Variants in PLEKHD1 observed in about 807,000 individuals in gnomAD.
PLEKHD1 encodes the protein pleckstrin homology and coiled-coil domain containing D1.
A neutral mutation model predicts 69.2 loss-of-function variants in PLEKHD1; 51 were observed. The observed-to-expected ratio is 0.74, with a 90% CI of 0.59 to 0.93. The LOEUF is 0.93. Ranked by LOEUF, PLEKHD1 falls within the 40% of genes least tolerant of loss-of-function variation. PLEKHD1 has a pLI of 0.00. For synonymous variants in PLEKHD1, 236 were observed against 244.7 expected (o/e 0.96, Z 0.33); for missense variants, 584 against 641.0 (o/e 0.91, Z 0.96).
Position 69,526,706 on chromosome 14 carries a change from G to T in PLEKHD1, c.933G>T (p.Glu311Asp). The change falls in exon 10 of 13, where the codon GAG (glutamate) becomes GAT (aspartate). Residue 311 changes from glutamate (E) to aspartate (D), a missense_variant. Physicochemically the swap from Glu to Asp is conservative, Grantham distance 45. Coordinates refer to ENST00000322564, the MANE Select transcript of PLEKHD1 (RefSeq NM_001161498.2). ...EKLLAEKRMK[E>D]NEERSRALEE... ...TCTTCTGTCCCTACAGGATGAAGGA[G>T]AACGAGGAGCGCTCACGGGCCCTGG... 1.3e-6 allele frequency: 2 copies of T among 1,533,846 alleles called. No homozygotes were observed. Among genetic ancestry groups the T allele is most frequent in the Non-Finnish European group, 1.8e-6 (2 of 1,138,192 alleles).
chr14:69,473,901 C>T, the PLEKHD1 span, among the ~76,000 whole-genome samples: 2 of 152,220 alleles, frequency 1.3e-5, no homozygotes, highest in African/African-American at 4.8e-5. Flanking sequence ...CACTCCTGAA[C>T]TCTTGTTTCC....
intron 6 of PLEKHD1, among the ~76,000 whole-genome samples, chr14:69,521,750 G>A (rs576488950): frequency 1.1e-4 from 17 of 152,158 alleles, no homozygotes; most frequent in Non-Finnish European, 1.8e-4. Context: ...CTTTGGGGCC[G>A]GAGCAGAGGG....
At chr14:69,514,225 G>T (rs147710140) in intron 6 of PLEKHD1, among the ~76,000 whole-genome samples, 6 of 149,214 alleles carry the variant, frequency 4.0e-5, no homozygotes, top group Non-Finnish European at 7.4e-5. Context: ...TGCAGTTGTC[G>T]CACAGTTCTT....
In PLEKHD1 at chr14:69,501,806, G is replaced by A; in HGVS notation, c.483G>A (p.Lys161=). 6.4e-7 allele frequency: 1 copy of A among 1,551,332 alleles called. No homozygotes were observed. Among genetic ancestry groups the A allele is most frequent in the Non-Finnish European group, 8.7e-7 (1 of 1,146,738 alleles). ...SLEAQGLQLA[K]EKQEYLDKLM... is the part of the protein sequence containing the mutation. ...AGGCCCAGGGGCTGCAGTTGGCTAA[G>A]GAAAAGCAGGAGTATTTAGGTTGGC... is the stretch of plus-strand genomic sequence containing the variant. The change falls in exon 5 of 13, where the codon AAG becomes AAA. Residue 161 remains lysine (K), a synonymous_variant. Coordinates refer to ENST00000322564, the MANE Select transcript of PLEKHD1 (RefSeq NM_001161498.2).
At chr14:69,525,491 G>T (rs1883623196) in intron 8 of PLEKHD1, among the ~76,000 whole-genome samples, 1 of 152,060 alleles carries the variant, frequency 6.6e-6, no homozygotes, top group Admixed American at 6.6e-5. Context: ...GTGGGGTGGG[G>T]GGTGGTTTGG....
At chr14:69,473,925 G>A in the PLEKHD1 span, among the ~76,000 whole-genome samples, 1 of 152,160 alleles carries the variant, frequency 6.6e-6, no homozygotes, top group Admixed American at 6.5e-5. Flanking sequence ...CAGCCCTCCA[G>A]CCCCCATCTG....
chr14:69,528,054 A>G, intron 12 of PLEKHD1, 122 bp downstream of exon 12: 3 of 1,491,398 alleles, frequency 2.0e-6, no homozygotes, highest in Non-Finnish European at 1.8e-6. Context: ...ACCTGGCCCC[A>G]CCATCCTTGG....
chr14:69,489,797 G>T (rs1165726619), intron 1 of PLEKHD1, among the ~76,000 whole-genome samples: 1 of 151,988 alleles, frequency 6.6e-6, no homozygotes, highest in African/African-American at 2.4e-5. Flanking sequence ...GGGGAACAGG[G>T]GTACAGCTCC....
chr14:69,513,159 C>A (rs894096096), intron 6 of PLEKHD1, among the ~76,000 whole-genome samples: 1 of 151,306 alleles, frequency 6.6e-6, no homozygotes, highest in African/African-American at 2.4e-5. Flanking sequence ...GCGGAAGTTG[C>A]AGTGAGACAA....
At position 69,527,316 on chromosome 14, in the gene PLEKHD1, T is replaced by C. The variant is rs1159245381; in HGVS notation, c.1185T>C (p.Asp395=). 3 of 1,551,572 alleles carry C rather than the reference T, an allele frequency of 1.9e-6. No individual in the cohort carries two copies. The highest frequency in any genetic ancestry group is 2.4e-5 in the South Asian group (2 of 84,072). The change falls in exon 11 of 13, where the codon GAT becomes GAC. Residue 395 remains aspartate, a synonymous_variant. Transcript: ENST00000322564. Reference sequence around the variant, plus strand: ...AGAAGGAGGAGAGGATGCGGGCTGATGTGAGCCATCTGAAAAGTAAGCCCT... The same window carrying C: ...AGAAGGAGGAGAGGATGCGGGCTGACGTGAGCCATCTGAAAAGTAAGCCCT... ...NKEKEERMRA[D]VSHLKRFFEE...
intron 1 of PLEKHD1, among the ~76,000 whole-genome samples, chr14:69,489,600 A>G (rs368382730): frequency 3.3e-5 from 5 of 150,484 alleles, no homozygotes; most frequent in African/African-American, 1.2e-4. Flanking sequence ...AAAGAAAGTG[A>G]ATCTAAGCTT....
intron 1 of PLEKHD1, among the ~76,000 whole-genome samples, chr14:69,486,193 G>A (rs962298648): frequency 3.3e-5 from 5 of 152,214 alleles, no homozygotes; most frequent in African/African-American, 1.2e-4. Flanking sequence ...CCTGAGCAGA[G>A]GGGGCCTCCA....
In PLEKHD1 at chr14:69,520,665, G is replaced by C. The variant is rs540025204; in HGVS notation, c.556-1618G>C. 6.6e-5 allele frequency among the ~76,000 whole-genome samples: 10 copies of C among 152,020 alleles called. No homozygotes were observed. In the South Asian group the frequency reaches 2.1e-3, roughly 32 times the overall value. ...AATTGATTGAATCTGGGAGGCAGAG[G>C]TTGCAGTGAGCCGAGATTGTGTTAC... On this transcript the variant is annotated intron_variant, in intron 6 of 12. Coordinates refer to ENST00000322564, the MANE Select transcript of PLEKHD1 (RefSeq NM_001161498.2).
chr14:69,527,657 TG>T, intron 11 of PLEKHD1, 125 bp from the exon 12 acceptor site: 1 of 1,271,542 alleles, frequency 7.9e-7, no homozygotes, highest in Non-Finnish European at 1.1e-6. Context: ...CAGGTGGCTC[TG>T]GAATCTCGAG....
the PLEKHD1 span, among the ~76,000 whole-genome samples, chr14:69,469,315 A>G: frequency 6.6e-6 from 1 of 152,210 alleles, no homozygotes; most frequent in Non-Finnish European, 1.5e-5. Flanking sequence ...TGTCCTGACT[A>G]TGAATAAGGT....
At chr14:69,481,350 T>G (rs1405138396), upstream of PLEKHD1, among the ~76,000 whole-genome samples, 1 of 152,102 alleles carries the variant, frequency 6.6e-6, no homozygotes, top group Non-Finnish European at 1.5e-5. Context: ...ATATGTTCAT[T>G]AGGAGTCTAT....
In PLEKHD1 at chr14:69,527,935, G is replaced by C. The variant is rs1488555396; in HGVS notation, c.1351+3G>C. 6 of 1,551,294 alleles carry C rather than the reference G, an allele frequency of 3.9e-6. No individual in the cohort carries two copies. Among genetic ancestry groups the C allele is most frequent in the Non-Finnish European group, 4.4e-6 (5 of 1,147,006 alleles). On this transcript the variant is annotated splice_donor_region_variant and intron_variant, in intron 12 of 12. Coordinates refer to ENST00000322564, the MANE Select transcript of PLEKHD1 (RefSeq NM_001161498.2). ...GTCCAGCACCTCCTGGAATGACAGT[G>C]AGTGTGGCTGTCTGCGTGCCCTGGT...
At chr14:69,469,680 A>G in the PLEKHD1 span, among the ~76,000 whole-genome samples, 1 of 152,056 alleles carries the variant, frequency 6.6e-6, no homozygotes, top group Admixed American at 6.5e-5. Flanking sequence ...CAAAGCACGG[A>G]GACGACTGGT....
intron 6 of PLEKHD1, among the ~76,000 whole-genome samples, chr14:69,514,195 A>G (rs1883330447): frequency 6.7e-6 from 1 of 149,722 alleles, no homozygotes; most frequent in African/African-American, 2.5e-5. Context: ...GATTATTCTC[A>G]TTATACATTT....
Sources: allele counts gnomAD v4.1 joint callset (sites outside exome capture counted in the v4.1 genomes callset), GRCh38; gene constraint gnomAD v4.1.1; transcripts MANE v1.5; gene names NCBI Gene and HGNC (gene_info 2026-07-23, HGNC 2026-07-21).